Variants in MNAT1 observed in about 807,000 individuals in gnomAD.
MNAT1 encodes MNAT1 component of CDK activating kinase, also known as CDK-activating kinase assembly factor MAT1.
A neutral mutation model predicts 42.0 loss-of-function variants in MNAT1; 43 were observed. The ratio of observed to expected loss-of-function variants is 1.02; its 90% CI spans 0.80 to 1.32. The LOEUF is 1.32. Among genes scored for constraint, MNAT1 ranks in the 40% most tolerant of loss-of-function variants. The pLI is 0.00. For synonymous variants in MNAT1, 118 were observed against 120.0 expected (o/e 0.98, Z 0.11); for missense variants, 306 against 350.4 (o/e 0.87, Z 1.01).
At chr14:60,830,803 T>G (rs2033191545) in intron 6 of MNAT1, among the ~76,000 whole-genome samples, 1 of 152,102 alleles carries the variant, frequency 6.6e-6, no homozygotes, top group South Asian at 2.1e-4. Context: ...TCTGCCTTTT[T>G]TTTTTTTTAA....
At chr14:60,766,030 G>C (rs375795825) in intron 1 of MNAT1, among the ~76,000 whole-genome samples, 86 of 152,168 alleles carry the variant, frequency 5.7e-4, no homozygotes, top group Admixed American at 4.9e-3. Context: ...AGATGATTTA[G>C]ATAATGTAAA....
At chr14:60,867,597 A>G (rs779610651) in intron 6 of MNAT1, among the ~76,000 whole-genome samples, 3 of 152,068 alleles carry the variant, frequency 2.0e-5, no homozygotes, top group Non-Finnish European at 4.4e-5. Context: ...GAATCAAATT[A>G]CTTTACATTA....
chr14:60,809,580 G>A (rs1481707926), intron 4 of MNAT1, among the ~76,000 whole-genome samples: 2 of 151,986 alleles, frequency 1.3e-5, no homozygotes, highest in African/African-American at 4.8e-5. Context: ...ATGAAAGGGC[G>A]TTACATTTTA....
intron 7 of MNAT1, among the ~76,000 whole-genome samples, chr14:60,889,881 C>G (rs563611419): frequency 2.8e-4 from 42 of 152,252 alleles, no homozygotes; most frequent in African/African-American, 9.9e-4. Context: ...CAGAGAAATG[C>G]AAATCAAAAC....
intron 6 of MNAT1, among the ~76,000 whole-genome samples, chr14:60,869,040 A>ATATATATATATATATATATTTTTTT (rs1465360826): frequency 1.8e-5 from 2 of 113,054 alleles, no homozygotes; most frequent in Non-Finnish European, 3.7e-5. Flanking sequence ...ATATATATAT[A>ATATATATATATATATATATTTTTTT]TTTTTTTTTT....
At chr14:60,741,658 GTTTTTTT>G (rs3049888) in intron 1 of MNAT1, among the ~76,000 whole-genome samples, 5 of 92,022 alleles carry the variant, frequency 5.4e-5, no homozygotes, top group South Asian at 3.8e-4. Flanking sequence ...TGCGCCTGGG[GTTTTTTT>G]TTTTTTTTTT....
intron 1 of MNAT1, chr14:60,780,622 G>T (rs1439241324): frequency 7.8e-7 from 1 of 1,278,330 alleles, no homozygotes; most frequent in African/African-American, 1.5e-5. Context: ...TAATGTAATT[G>T]TAATTTTGAA....
intron 6 of MNAT1, among the ~76,000 whole-genome samples, chr14:60,865,779 C>A (rs2034189843): frequency 6.6e-6 from 1 of 152,094 alleles, no homozygotes; most frequent in African/African-American, 2.4e-5. Flanking sequence ...TGGCATATTT[C>A]CCTATTTTCA....
chr14:60,766,613 G>C (rs758866908), intron 1 of MNAT1, among the ~76,000 whole-genome samples: 1 of 151,628 alleles, frequency 6.6e-6, no homozygotes, highest in African/African-American at 2.4e-5. Context: ...TCGGGAGGCT[G>C]AGGCACGAGA....
intron 1 of MNAT1, among the ~76,000 whole-genome samples, chr14:60,781,992 A>G (rs1349405591): frequency 6.8e-6 from 1 of 146,578 alleles, no homozygotes; most frequent in East Asian, 2.0e-4. Flanking sequence ...TTTTTTTTTA[A>G]CAGAAGTATA....
chr14:60,932,216 C>T (rs932717642), intron 7 of MNAT1, among the ~76,000 whole-genome samples: 11 of 151,724 alleles, frequency 7.3e-5, no homozygotes, highest in African/African-American at 1.7e-4. Flanking sequence ...GTTTTTAATT[C>T]GCTCATATTT....
At chr14:60,903,350 G>A (rs566867750) in intron 7 of MNAT1, among the ~76,000 whole-genome samples, 55 of 152,096 alleles carry the variant, frequency 3.6e-4, no homozygotes, top group South Asian at 2.9e-3. Context: ...CTAAAATAGC[G>A]TTTGGGAAAG....
intron 6 of MNAT1, among the ~76,000 whole-genome samples, chr14:60,853,039 G>T (rs2033864254): frequency 6.6e-6 from 1 of 151,902 alleles, no homozygotes; most frequent in African/African-American, 2.4e-5. Context: ...GCTCTTTTTT[G>T]GTTCCATATG....
intron 7 of MNAT1, among the ~76,000 whole-genome samples, chr14:60,936,101 TC>T (rs1317423267): frequency 1.3e-5 from 2 of 152,124 alleles, no homozygotes; most frequent in African/African-American, 4.8e-5. Flanking sequence ...TCCACCCCGT[TC>T]CCCCAGTGCG....
intron 6 of MNAT1, among the ~76,000 whole-genome samples, chr14:60,868,864 A>C (rs2034260859): frequency 6.6e-6 from 1 of 151,990 alleles, no homozygotes. Context: ...TTTATTTCTT[A>C]TGTACTCTCA....
chr14:60,900,319 A>C (rs543365376), intron 7 of MNAT1, among the ~76,000 whole-genome samples: 2 of 152,344 alleles, frequency 1.3e-5, no homozygotes, highest in East Asian at 3.9e-4. Flanking sequence ...AAAGTTCTTA[A>C]AGGAAATTAA....
At chr14:60,849,983 C>A (rs970425217) in intron 6 of MNAT1, among the ~76,000 whole-genome samples, 4 of 151,948 alleles carry the variant, frequency 2.6e-5, no homozygotes, top group African/African-American at 7.3e-5. Context: ...ATTACAGGTG[C>A]CTGGCACCAC....
At chr14:60,835,152 G>A (rs1286366872) in intron 6 of MNAT1, among the ~76,000 whole-genome samples, 6 of 151,848 alleles carry the variant, frequency 4.0e-5, no homozygotes, top group East Asian at 1.9e-4. Flanking sequence ...TTCTTTGCAC[G>A]TGAGATGGAT....
At chr14:60,837,369 C>T (rs1431077062) in intron 6 of MNAT1, among the ~76,000 whole-genome samples, 1 of 152,208 alleles carries the variant, frequency 6.6e-6, no homozygotes, top group Non-Finnish European at 1.5e-5. Flanking sequence ...GAGGGAATCT[C>T]TTGGTCTGTG....
Sources: allele counts gnomAD v4.1 joint callset (sites outside exome capture counted in the v4.1 genomes callset), GRCh38; gene constraint gnomAD v4.1.1; transcripts MANE v1.5; gene names NCBI Gene and HGNC (gene_info 2026-07-23, HGNC 2026-07-21).